The following SEPTIN9 variants were observed in gnomAD, a reference collection of about 807,000 sequenced individuals.
The protein encoded by SEPTIN9 is septin-9.
SEPTIN9 carries 13 observed loss-of-function variants against 56.6 expected under a neutral mutation model. That is an observed-to-expected ratio of 0.23 (90% CI 0.15 to 0.37). The LOEUF (loss-of-function observed/expected upper bound fraction) is 0.37. Among genes scored for constraint, SEPTIN9 ranks in the 10% least tolerant of loss-of-function variants. The pLI is 1.00. For synonymous variants in SEPTIN9, 332 were observed against 334.1 expected (o/e 0.99, Z 0.07); for missense variants, 650 against 823.1 (o/e 0.79, Z 2.57).
chr17:77,281,504 A>G lies in SEPTIN9; in HGVS notation c.-32A>G. On this transcript the variant is annotated 5_prime_UTR_variant, in exon 1 of 12. Transcript: ENST00000427177. The stretch of plus-strand genomic sequence containing the variant: ...GCGCGCCCCGCTGCCTCGCCGCCAC[A>G]CTTTCCTGGGAGCGGCGGCCACGGA... 6.5e-7 allele frequency: 1 copy of G among 1,545,840 alleles called. No individual in the cohort carries two copies. The highest frequency in any genetic ancestry group is 1.2e-5 in the South Asian group (1 of 83,788).
chr17:77,498,549 T>A lies in SEPTIN9; in HGVS notation c.1652T>A (p.Ile551Asn). The change falls in exon 12 of 12, where the codon ATC (isoleucine) becomes AAC (asparagine). Residue 551 changes from isoleucine (I) to asparagine (N), a missense_variant. This residue lies in a region of SEPTIN9 where 333 missense variants were observed against 494.0 expected (regional missense o/e 0.67). Coordinates refer to ENST00000427177, the MANE Select transcript of SEPTIN9 (RefSeq NM_001113491.2). The stretch of plus-strand genomic sequence containing the variant: ...ACGCACATGCAGAACATCAAGGACA[T>A]CACCAGCAGCATCCACTTCGAGGCG... ...IRTHMQNIKD[I>N]TSSIHFEAYR... 7.0e-7 allele frequency: 1 copy of A among 1,423,412 alleles called. No homozygotes were observed. The highest frequency in any genetic ancestry group is 2.8e-5 in the East Asian group (1 of 35,382). The allele number at this position is 1,423,412 out of a possible 1,614,324, so 88.2% of individuals were successfully genotyped here.
chr17:77,488,164 C>CGG, intron 5 of SEPTIN9, 76 bp from the exon 6 acceptor site: 1 of 1,409,662 alleles, frequency 7.1e-7, no homozygotes, highest in South Asian at 1.2e-5. Flanking sequence ...GGGGTTGCCC[C>CGG]GGGGTCAGTC....
chr17:77,313,173 C>A lies in SEPTIN9; in HGVS notation c.76+5976C>A, dbSNP rs1364837398. On this transcript the variant is annotated intron_variant, in intron 2 of 11. Transcript: ENST00000427177. The surrounding 1 kb of genome is among the most constrained non-coding windows in gnomAD (Gnocchi z 4.5). The stretch of plus-strand genomic sequence containing the variant: ...GGGCAAACTCTGCAAGGGCCCTTGG[C>A]CTCTGCACCCCCAGACCTCCCTCGC... Among the ~76,000 whole-genome samples the A allele has an allele frequency of 6.6e-6, 1 of 152,248 alleles. No individual in the cohort carries two copies. Among genetic ancestry groups the A allele is most frequent in the East Asian group, 1.9e-4 (1 of 5,202 alleles).
At chr17:77,444,086 A>AG (rs2037648127) in intron 3 of SEPTIN9, among the ~76,000 whole-genome samples, 1 of 152,046 alleles carries the variant, frequency 6.6e-6, no homozygotes, top group Non-Finnish European at 1.5e-5. Flanking sequence ...GACATTTACC[A>AG]GGGGGGATTT....
In SEPTIN9 at chr17:77,319,417, G is replaced by A; in HGVS notation, c.76+12220G>A. On this transcript the variant is annotated intron_variant, in intron 2 of 11. Transcript: ENST00000427177. The surrounding 1 kb of genome is among the most constrained non-coding windows in gnomAD (Gnocchi z 5.3). Reference sequence around the variant, plus strand: ...GAGAGGAAGACTCGCTCCCTCCCAGGGGACGGCTAGAGACTCACTGACTCA... The same window carrying A: ...GAGAGGAAGACTCGCTCCCTCCCAGAGGACGGCTAGAGACTCACTGACTCA... 2.3e-6 allele frequency: 1 copy of A among 433,110 alleles called. No homozygotes were observed. Among genetic ancestry groups the A allele is most frequent in the African/African-American group, 2.1e-5 (1 of 47,340 alleles). The allele number at this position is 433,110 out of a possible 1,614,324, so 26.8% of individuals were successfully genotyped here.
At chr17:77,401,791 G>A (rs2035908937) in intron 2 of SEPTIN9, among the ~76,000 whole-genome samples, 1 of 152,122 alleles carries the variant, frequency 6.6e-6, no homozygotes, top group Non-Finnish European at 1.5e-5. Flanking sequence ...AGCTGGAGGG[G>A]GAGGCTGTGT....
chr17:77,292,951 T>C (rs2031633525), intron 1 of SEPTIN9, among the ~76,000 whole-genome samples: 1 of 152,182 alleles, frequency 6.6e-6, no homozygotes, highest in Non-Finnish European at 1.5e-5. Context: ...TCATAGGGTA[T>C]GTAATGGGGT....
chr17:77,315,591 C>T (rs2032668934), intron 2 of SEPTIN9, among the ~76,000 whole-genome samples: 1 of 152,178 alleles, frequency 6.6e-6, no homozygotes, highest in Non-Finnish European at 1.5e-5. Context: ...CGGCCACGAC[C>T]ACCTAACTTC....
intron 2 of SEPTIN9, among the ~76,000 whole-genome samples, chr17:77,392,134 G>C (rs926189993): frequency 2.0e-5 from 3 of 152,190 alleles, no homozygotes; most frequent in African/African-American, 7.2e-5. Flanking sequence ...TCCAACCACA[G>C]GCTCTGGCAC....
intron 1 of SEPTIN9, among the ~76,000 whole-genome samples, chr17:77,290,807 C>T (rs955849965): frequency 2.4e-5 from 3 of 124,732 alleles, no homozygotes; most frequent in Admixed American, 2.3e-4. Flanking sequence ...AGAGTGAGAC[C>T]CTGTCTCATA....
intron 4 of SEPTIN9, chr17:77,483,298 TC>T: frequency 6.5e-6 from 1 of 153,000 alleles, no homozygotes; most frequent in Non-Finnish European, 1.5e-5. Flanking sequence ...GGGCCCTGGC[TC>T]CCCTGGGGTC....
At position 77,382,057 on chromosome 17, in the gene SEPTIN9, C is replaced by T. The variant is rs778848488; in HGVS notation, c.77-20002C>T. On this transcript the variant is annotated intron_variant, in intron 2 of 11. Coordinates refer to ENST00000427177, the MANE Select transcript of SEPTIN9 (RefSeq NM_001113491.2). ...TTTCTTTTTTTTTGAGACAGAGTTT[C>T]GCTCTTGTTGCCCAGGCTGCAGTGC... is the stretch of plus-strand genomic sequence containing the variant. Among the ~76,000 whole-genome samples the T allele has an allele frequency of 6.6e-5, 10 of 151,764 alleles. No individual in the cohort carries two copies. The East Asian group carries it at 7.7e-4, about 12-fold the overall frequency.
chr17:77,450,881 C>T lies in SEPTIN9; in HGVS notation c.722-31263C>T. ...GCACCTGGGGTAGAGGGGACAAACC[C>T]AGGTGGCTGTGTTCCAGCCCTGGCT... On this transcript the variant is annotated intron_variant, in intron 3 of 11. Coordinates refer to ENST00000427177, the MANE Select transcript of SEPTIN9 (RefSeq NM_001113491.2). This position sits in a 1 kb window ranked among gnomAD's most constrained non-coding sequence, Gnocchi z 6.0. 1 of 887,558 alleles carries T rather than the reference C, an allele frequency of 1.1e-6. No homozygotes were observed. The highest frequency in any genetic ancestry group is 1.4e-6 in the Non-Finnish European group (1 of 740,632). 55.0% of individuals were successfully genotyped at this position (887,558 alleles called of 1,614,324 possible).
intron 10 of SEPTIN9, among the ~76,000 whole-genome samples, chr17:77,495,957 G>A (rs551175846): frequency 2.0e-5 from 3 of 152,192 alleles, no homozygotes; most frequent in Non-Finnish European, 4.4e-5. Flanking sequence ...CCAGCCTTAT[G>A]CACTGTGGAG....
chr17:77,296,899 G>A (rs2031842723), intron 1 of SEPTIN9, among the ~76,000 whole-genome samples: 2 of 152,086 alleles, frequency 1.3e-5, no homozygotes, highest in Middle Eastern at 3.2e-3. Flanking sequence ...TAGCTAGATA[G>A]ATGACAGATG....
chr17:77,418,167 G>T (rs1465041673), intron 3 of SEPTIN9, among the ~76,000 whole-genome samples: 2 of 152,168 alleles, frequency 1.3e-5, no homozygotes, highest in Non-Finnish European at 2.9e-5. Context: ...GGCTGTTGAG[G>T]CCTGGACACA....
intron 2 of SEPTIN9, among the ~76,000 whole-genome samples, chr17:77,365,444 A>G (rs1331844541): frequency 7.3e-6 from 1 of 137,682 alleles, no homozygotes; most frequent in Non-Finnish European, 1.6e-5. Flanking sequence ...TGTCTTTCCT[A>G]TCTTTTCTTT....
In SEPTIN9 at chr17:77,429,364, C is replaced by T. The variant is rs1203715767; in HGVS notation, c.721+26661C>T. On this transcript the variant is annotated intron_variant, in intron 3 of 11. Transcript: ENST00000427177. This position sits in a 1 kb window ranked among gnomAD's most constrained non-coding sequence, Gnocchi z 5.2. Reference sequence around the variant, plus strand: ...CCTGGCTGAGAGGTGTGCTGGCTCTCGCAGGTTGCAAAATGGGGACATCAC... The same window carrying T: ...CCTGGCTGAGAGGTGTGCTGGCTCTTGCAGGTTGCAAAATGGGGACATCAC... 4 of 444,226 alleles carry T rather than the reference C, an allele frequency of 9.0e-6. No individual in the cohort carries two copies. Among genetic ancestry groups the T allele is most frequent in the Non-Finnish European group, 1.4e-5 (3 of 210,330 alleles). The allele number at this position is 444,226 out of a possible 1,614,324, so 27.5% of individuals were successfully genotyped here. A position where few individuals can be genotyped will look rare whatever the true frequency, so the allele number is the denominator to read the frequency against.
At chr17:77,316,458 G>C (rs1219985318) in intron 2 of SEPTIN9, among the ~76,000 whole-genome samples, 1 of 152,238 alleles carries the variant, frequency 6.6e-6, no homozygotes. Context: ...GTAAAACTGA[G>C]GGTCAAGGCT....
Sources: gnomAD v4.1 joint callset for allele counts (sites outside exome capture counted in the v4.1 genomes callset) on GRCh38, gnomAD v4.1.1 for gene constraint, gnomAD v4.1.1 regional missense constraint, Gnocchi (gnomAD v3.1) non-coding constraint, MANE v1.5 for transcripts, NCBI Gene and HGNC (gene_info 2026-07-23, HGNC 2026-07-21) for gene names.